Variants in CDH18 observed in about 807,000 individuals in gnomAD.
CDH18 encodes cadherin 18, also known as cadherin-18.
Under a neutral mutation model 67.9 loss-of-function variants are expected in CDH18, and 31 were observed. The observed-to-expected ratio is 0.46, with a 90% CI of 0.34 to 0.62. The LOEUF is 0.62. CDH18 is among the 20% of genes least tolerant of loss of function. The probability of loss-of-function intolerance (pLI) is 0.01; values close to 1 mark genes in which losing one functional copy is unlikely to be tolerated. For missense variants in CDH18, 890 were observed against 975.5 expected (o/e 0.91, Z 1.17); for synonymous variants, 362 against 347.2 (o/e 1.04, Z -0.48).
intron 12 of CDH18, among the ~76,000 whole-genome samples, chr5:19,474,573 A>C (rs1052186159): frequency 2.2e-4 from 34 of 152,254 alleles, no homozygotes; most frequent in African/African-American, 8.2e-4. Context: ...AGAATGAGGA[A>C]TCTGAGACTC....
intron 1 of CDH18, among the ~76,000 whole-genome samples, chr5:20,495,013 C>T (rs188563131): frequency 2.6e-5 from 4 of 152,078 alleles, no homozygotes; most frequent in East Asian, 1.9e-4. Context: ...AGTTGAATGA[C>T]GAAAAATAAG....
At chr5:19,760,590 T>A (rs1345323209) in intron 3 of CDH18, among the ~76,000 whole-genome samples, 1 of 152,182 alleles carries the variant, frequency 6.6e-6, no homozygotes, top group Non-Finnish European at 1.5e-5. Context: ...CTGATCCGAC[T>A]CTGTGTTCCT....
rs777265512 is a variant in CDH18 at position 20,519,942 on chromosome 5, C to CTTTTTTTTTTTTTTTTTT, written c.-580+55502_-580+55519dup. Among the ~76,000 whole-genome samples the CTTTTTTTTTTTTTTTTTT allele has an allele frequency of 1.0e-3, 42 of 41,686 alleles. 14 individuals carry two copies. Among genetic ancestry groups the CTTTTTTTTTTTTTTTTTT allele is most frequent in the Non-Finnish European group, 1.2e-3 (27 of 22,188 alleles). 27.3% of individuals were successfully genotyped at this position (41,686 alleles called of 152,430 possible). On this transcript the variant is annotated intron_variant, in intron 1 of 14. Coordinates refer to the CDH18 transcript ENST00000507958. ...AGGCTGGAGTACAACACAGTCTTGG[C>CTTTTTTTTTTTTTTTTTT]TTTTTTTTTTTTTTTTTTTTTTTTT...
At chr5:20,334,699 A>C (rs1739543780) in intron 1 of CDH18, among the ~76,000 whole-genome samples, 1 of 150,708 alleles carries the variant, frequency 6.6e-6, no homozygotes, top group Admixed American at 6.6e-5. Context: ...AATTCTCCTA[A>C]TTCTTCCCAA....
intron 8 of CDH18, among the ~76,000 whole-genome samples, chr5:19,554,009 C>T (rs954153558): frequency 5.3e-5 from 8 of 152,030 alleles, no homozygotes; most frequent in African/African-American, 1.9e-4. Context: ...ATTATGATTC[C>T]CTTTGTTAAC....
intron 2 of CDH18, among the ~76,000 whole-genome samples, chr5:19,977,662 C>T (rs1798624263): frequency 6.6e-6 from 1 of 151,910 alleles, no homozygotes; most frequent in Non-Finnish European, 1.5e-5. Context: ...TGATATTAGC[C>T]AAATTTAATT....
At chr5:19,768,719 T>G (rs546079639) in intron 3 of CDH18, among the ~76,000 whole-genome samples, 1 of 152,112 alleles carries the variant, frequency 6.6e-6, no homozygotes, top group South Asian at 2.1e-4. Flanking sequence ...TGCAGAAAAC[T>G]TATTAACAAC....
At chr5:19,927,520 C>T (rs917020163) in intron 2 of CDH18, among the ~76,000 whole-genome samples, 4 of 151,874 alleles carry the variant, frequency 2.6e-5, no homozygotes, top group African/African-American at 7.3e-5. Context: ...TAGACAGTAC[C>T]TTAATAATAG....
At chr5:20,270,661 C>T (rs931263175) in intron 1 of CDH18, among the ~76,000 whole-genome samples, 3 of 152,012 alleles carry the variant, frequency 2.0e-5, no homozygotes, top group African/African-American at 7.2e-5. Flanking sequence ...ATAAATGATG[C>T]TATTATAAAG....
At chr5:20,421,719 T>C (rs1217679855) in intron 1 of CDH18, among the ~76,000 whole-genome samples, 1 of 150,838 alleles carries the variant, frequency 6.6e-6, no homozygotes, top group Non-Finnish European at 1.5e-5. Context: ...TTGAATGTGT[T>C]TCATTAAATC....
intron 2 of CDH18, among the ~76,000 whole-genome samples, chr5:20,169,865 T>C (rs1211878144): frequency 2.0e-5 from 3 of 152,134 alleles, no homozygotes; most frequent in Non-Finnish European, 4.4e-5. Flanking sequence ...TATTAAACTC[T>C]ACTGCTTATT....
chr5:20,561,812 T>C (rs943510095), intron 1 of CDH18, among the ~76,000 whole-genome samples: 11 of 152,006 alleles, frequency 7.2e-5, no homozygotes, highest in Non-Finnish European at 1.5e-4. Context: ...TCCAGGTTCA[T>C]GATTGAACAT....
chr5:19,660,759 G>A (rs1757041484), intron 5 of CDH18, among the ~76,000 whole-genome samples: 1 of 151,942 alleles, frequency 6.6e-6, no homozygotes, highest in South Asian at 2.1e-4. Flanking sequence ...AATCACTGAG[G>A]CACTTGCATC....
At chr5:20,069,696 C>T (rs539501429) in intron 2 of CDH18, among the ~76,000 whole-genome samples, 3 of 152,264 alleles carry the variant, frequency 2.0e-5, no homozygotes, top group African/African-American at 7.2e-5. Context: ...CAGACGTGAG[C>T]CACTGCGCCC....
chr5:20,391,869 T>C (rs534238821), intron 1 of CDH18, among the ~76,000 whole-genome samples: 3 of 152,104 alleles, frequency 2.0e-5, no homozygotes, highest in African/African-American at 7.2e-5. Context: ...TTATAATGAT[T>C]ATTTTTTGAA....
chr5:19,886,940 T>C (rs1788277229), intron 2 of CDH18, among the ~76,000 whole-genome samples: 1 of 152,146 alleles, frequency 6.6e-6, no homozygotes, highest in Non-Finnish European at 1.5e-5. Context: ...GATCTTTACA[T>C]TGCTATATAT....
At chr5:20,159,551 G>T (rs1751815051) in intron 2 of CDH18, among the ~76,000 whole-genome samples, 1 of 152,048 alleles carries the variant, frequency 6.6e-6, no homozygotes, top group Admixed American at 6.5e-5. Context: ...TGCCCATGTG[G>T]GATAAGCAAA....
intron 2 of CDH18, among the ~76,000 whole-genome samples, chr5:20,173,754 T>C (rs1263807605): frequency 3.3e-5 from 5 of 152,186 alleles, no homozygotes; most frequent in Non-Finnish European, 7.3e-5. Context: ...AAGCTGAGCA[T>C]ATGTAATAAA....
chr5:19,887,843 A>G (rs1788386098), intron 2 of CDH18, among the ~76,000 whole-genome samples: 1 of 151,736 alleles, frequency 6.6e-6, no homozygotes, highest in South Asian at 2.1e-4. Flanking sequence ...AAGTGTTGAG[A>G]TTTACAGATG....
Sources: gnomAD v4.1 joint callset for allele counts (sites outside exome capture counted in the v4.1 genomes callset) on GRCh38, gnomAD v4.1.1 for gene constraint, MANE v1.5 for transcripts, NCBI Gene and HGNC (gene_info 2026-07-23, HGNC 2026-07-21) for gene names.